IL16: variants seen among roughly 807,000 people sequenced by gnomAD.
IL16 encodes the protein pro-interleukin-16.
A neutral mutation model predicts 110.1 loss-of-function variants in IL16; 67 were observed. That is an observed-to-expected ratio of 0.61 (90% CI 0.50 to 0.75). The LOEUF (loss-of-function observed/expected upper bound fraction) is 0.75, where lower values mean the gene tolerates loss of function less well. Ranked by LOEUF, IL16 falls within the 30% of genes least tolerant of loss-of-function variation. IL16 has a pLI of 0.00. For synonymous variants in IL16, 689 were observed against 662.9 expected (o/e 1.04, Z -0.61); for missense variants, 1,545 against 1,655.0 (o/e 0.93, Z 1.15).
At chr15:81,241,608 A>T (rs185280957) in intron 2 of IL16, among the ~76,000 whole-genome samples, 5 of 152,222 alleles carry the variant, frequency 3.3e-5, no homozygotes, top group Admixed American at 3.3e-4. Context: ...ATGGAATGCA[A>T]TTTTTAAATA....
intron 10 of IL16, among the ~76,000 whole-genome samples, chr15:81,286,532 G>T (rs994725073): frequency 6.6e-6 from 1 of 152,182 alleles, no homozygotes; most frequent in African/African-American, 2.4e-5. Context: ...ACTGCAGAGG[G>T]CTTTCAACAG....
At chr15:81,187,803 G>C (rs751160228) in intron 1 of IL16, among the ~76,000 whole-genome samples, 1 of 152,234 alleles carries the variant, frequency 6.6e-6, no homozygotes, top group South Asian at 2.1e-4. Context: ...CAGACCTCAT[G>C]ATGAGTTCAA....
In IL16 at chr15:81,306,181, C is replaced by T. The variant is rs370870793; in HGVS notation, c.3679+15C>T. 6.2e-7 allele frequency: 1 copy of T among 1,610,456 alleles called. No individual in the cohort carries two copies. The highest frequency in any genetic ancestry group is 1.7e-5 in the Admixed American group (1 of 59,892). The stretch of plus-strand genomic sequence containing the variant: ...TGTAGAATCTAGTAAGTTCTCCCAA[C>T]TCAGTGGAAGCCACATGGGCCACAT... On this transcript the variant is annotated intron_variant, in intron 17 of 18. Transcript: ENST00000683961.
Position 81,265,719 on chromosome 15 carries a change from C to T in IL16, c.482C>T (p.Pro161Leu). The T allele has an allele frequency of 6.2e-7, 1 of 1,613,802 alleles. No individual in the cohort carries two copies. Residue 161 changes from proline to leucine, a missense_variant, in exon 4 of 19, where the codon CCC (proline) becomes CTC (leucine). Pro to Leu is a moderately conservative substitution (Grantham distance 98, BLOSUM62 -3). Coordinates refer to ENST00000683961, the MANE Select transcript of IL16 (RefSeq NM_172217.5). Reference protein sequence around the residue: ...DFPMTKKSAAPTDRQPYSLCS... With the variant: ...DFPMTKKSAALTDRQPYSLCS... ...CCAATGACCAAGAAATCTGCAGCGC[C>T]CACGGACAGGCAGCCTTACTCTCTC...
chr15:81,236,393 G>A (rs1161112203), intron 2 of IL16, among the ~76,000 whole-genome samples: 1 of 152,172 alleles, frequency 6.6e-6, no homozygotes, highest in Non-Finnish European at 1.5e-5. Context: ...CTCCCACAGA[G>A]CCAGCTGTAT....
At chr15:81,305,055 G>T (rs563365538) in intron 16 of IL16, among the ~76,000 whole-genome samples, 1 of 152,310 alleles carries the variant, frequency 6.6e-6, no homozygotes, top group Admixed American at 6.5e-5. Context: ...GAATTTCTAG[G>T]GGAGGAGCTA....
At chr15:81,204,282 A>G (rs918367271) in intron 1 of IL16, among the ~76,000 whole-genome samples, 7 of 151,606 alleles carry the variant, frequency 4.6e-5, no homozygotes, top group Non-Finnish European at 7.4e-5. Context: ...GGACAATTTG[A>G]CTTCCTCTTT....
At position 81,203,612 on chromosome 15, in the gene IL16, G is replaced by T. The variant is rs1264135006; in HGVS notation, c.-102+6460G>T. On this transcript the variant is annotated intron_variant, in intron 1 of 18. Coordinates refer to ENST00000683961, the MANE Select transcript of IL16 (RefSeq NM_172217.5). Reference sequence around the variant, plus strand: ...CCCATTGCTTGTTTTTGTCAGGTTTGTCAAAGATCAGATAGTTGTAGATAT... The same window carrying T: ...CCCATTGCTTGTTTTTGTCAGGTTTTTCAAAGATCAGATAGTTGTAGATAT... Among the ~76,000 whole-genome samples, 6 of 152,172 alleles carry T rather than the reference G, an allele frequency of 3.9e-5. No individual in the cohort carries two copies. In the East Asian group the frequency reaches 5.8e-4, roughly 15 times the overall value.
At chr15:81,189,560 C>T (rs957756971) in intron 1 of IL16, among the ~76,000 whole-genome samples, 1 of 152,174 alleles carries the variant, frequency 6.6e-6, no homozygotes, top group Non-Finnish European at 1.5e-5. Flanking sequence ...GTTAGGATTA[C>T]AGGTCTGATC....
chr15:81,292,757 C>G lies in IL16; in HGVS notation c.1622C>G (p.Thr541Arg), dbSNP rs748317490. The change falls in exon 12 of 19, where the codon ACA becomes AGA. Residue 541 changes from threonine to arginine, a missense_variant. This residue lies in a region of IL16 where 1,185 missense variants were observed against 1,238.8 expected (regional missense o/e 0.96). Transcript: ENST00000683961. ...EKPSSDVDISTHSPSLPLARE... is the reference protein window; with the variant it reads ...EKPSSDVDISRHSPSLPLARE... ...CCGTCCTCTGACGTGGACATCAGCACACACAGCCCCAGCTTGCCTCTGGCA... is the reference window on the plus strand; with the variant it reads ...CCGTCCTCTGACGTGGACATCAGCAGACACAGCCCCAGCTTGCCTCTGGCA... 1 of 1,614,214 alleles carries G rather than the reference C, an allele frequency of 6.2e-7. No homozygotes were observed. The highest frequency in any genetic ancestry group is 8.5e-7 in the Non-Finnish European group (1 of 1,180,040).
intron 1 of IL16, among the ~76,000 whole-genome samples, chr15:81,218,605 G>C (rs1896512851): frequency 6.6e-6 from 1 of 152,116 alleles, no homozygotes; most frequent in African/African-American, 2.4e-5. Context: ...AAGAAATCAA[G>C]TGTAGGAAAT....
chr15:81,308,965 A>G lies in IL16; in HGVS notation c.*167A>G. On this transcript the variant is annotated 3_prime_UTR_variant, in exon 19 of 19. Transcript: ENST00000683961. ...AGACCTTCTAGGACGCCACCCAGCA[A>G]AAGGTTGTTCCTAAAATAAGGGCAG... 2 of 542,020 alleles carry G rather than the reference A, an allele frequency of 3.7e-6. No individual in the cohort carries two copies. Among genetic ancestry groups the G allele is most frequent in the Non-Finnish European group, 6.5e-6 (2 of 310,030 alleles). The allele number at this position is 542,020 out of a possible 1,614,324, so 33.6% of individuals were successfully genotyped here.
intron 1 of IL16, among the ~76,000 whole-genome samples, chr15:81,188,823 G>T (rs1033987006): frequency 2.0e-5 from 3 of 151,748 alleles, no homozygotes; most frequent in Non-Finnish European, 1.5e-5. Context: ...TTTGTGTCAG[G>T]TACTATGCTC....
upstream of IL16, among the ~76,000 whole-genome samples, chr15:81,192,427 C>T (rs1310877178): frequency 6.6e-6 from 1 of 151,670 alleles, no homozygotes; most frequent in African/African-American, 2.4e-5. Context: ...ACAGAGAGAC[C>T]GTGTCTCTAC....
intron 1 of IL16, among the ~76,000 whole-genome samples, chr15:81,199,328 A>G (rs1014264065): frequency 1.3e-5 from 2 of 152,152 alleles, no homozygotes; most frequent in Admixed American, 6.5e-5. Flanking sequence ...CTTGTAAACT[A>G]GACAGTGTTG....
intron 2 of IL16, among the ~76,000 whole-genome samples, chr15:81,238,947 A>G (rs1897261896): frequency 6.7e-6 from 1 of 149,902 alleles, no homozygotes; most frequent in African/African-American, 2.5e-5. Flanking sequence ...ATGTGTCCTG[A>G]CTTCTGACCT....
chr15:81,223,906 G>A (rs946419911), intron 1 of IL16, among the ~76,000 whole-genome samples: 1 of 152,200 alleles, frequency 6.6e-6, no homozygotes, highest in Non-Finnish European at 1.5e-5. Context: ...ACTATCATTT[G>A]AGATGGAAGG....
chr15:81,282,723 C>G lies in IL16; in HGVS notation c.1166C>G (p.Pro389Arg), dbSNP rs1899240282. 1.2e-6 allele frequency: 2 copies of G among 1,614,148 alleles called. No homozygotes were observed. Among genetic ancestry groups the G allele is most frequent in the Non-Finnish European group, 1.7e-6 (2 of 1,179,976 alleles). The change falls in exon 9 of 19, where the codon CCA becomes CGA. Residue 389 changes from proline (P) to arginine (R), a missense_variant. Around this residue, in one of 3 missense-constraint regions of IL16, gnomAD observed 1,185 missense variants for 1,238.8 expected, o/e 0.96. Transcript: ENST00000683961. ...GGCATTTTCGTCCACACGCTGTCACCAGGATCCGTGGCGCACCTGGACGGA... is the reference window on the plus strand; with the variant it reads ...GGCATTTTCGTCCACACGCTGTCACGAGGATCCGTGGCGCACCTGGACGGA... ...ISGIFVHTLS[P>R]GSVAHLDGRL...
chr15:81,203,680 T>G (rs1396707903), intron 1 of IL16, among the ~76,000 whole-genome samples: 1 of 152,208 alleles, frequency 6.6e-6, no homozygotes, highest in African/African-American at 2.4e-5. Context: ...CATTGGTCTA[T>G]ATCTCTGTTT....
Sources: gnomAD v4.1 joint callset for allele counts (sites outside exome capture counted in the v4.1 genomes callset) on GRCh38, gnomAD v4.1.1 for gene constraint, gnomAD v4.1.1 regional missense constraint, MANE v1.5 for transcripts, NCBI Gene and HGNC (gene_info 2026-07-23, HGNC 2026-07-21) for gene names.